MYOCD: variants seen among roughly 807,000 people sequenced by gnomAD.
MYOCD encodes myocardin.
MYOCD carries 32 observed loss-of-function variants against 96.1 expected under a neutral mutation model. The observed-to-expected ratio is 0.33, with a 90% confidence interval of 0.25 to 0.45. MYOCD has a LOEUF of 0.45. Ranked by LOEUF, MYOCD falls within the 20% of genes least tolerant of loss-of-function variation. MYOCD has a pLI of 1.00. For missense variants in MYOCD, 1,133 were observed against 1,200.6 expected, an observed-to-expected ratio of 0.94 and a Z score of 0.83; for synonymous variants, 469 against 469.0, an observed-to-expected ratio of 1.00 and a Z score of 0.00.
At position 12,757,599 on chromosome 17, in the gene MYOCD, C is replaced by T. The variant is rs564698856; in HGVS notation, c.2203-486C>T. Among the ~76,000 whole-genome samples, 14 of 152,260 alleles carry T rather than the reference C, an allele frequency of 9.2e-5. No individual in the cohort carries two copies. The South Asian group carries it at 2.3e-3, about 25-fold the overall frequency. The stretch of plus-strand genomic sequence containing the variant: ...GCAACCTCCACCTCCCAGGTTCAAG[C>T]GATTCTTCCGCCTCAGCCTCCCAAG... On this transcript the variant is annotated intron_variant, in intron 11 of 13. Transcript: ENST00000425538.
intron 9 of MYOCD, among the ~76,000 whole-genome samples, chr17:12,746,727 C>CTTTTTT (rs3050321): frequency 1.7e-5 from 2 of 114,880 alleles, no homozygotes; most frequent in Non-Finnish European, 3.4e-5. Context: ...TGGTGCCTAC[C>CTTTTTT]TTTTTTTTTT....
intron 10 of MYOCD, among the ~76,000 whole-genome samples, chr17:12,753,913 C>T (rs2032934676): frequency 6.6e-6 from 1 of 152,326 alleles, no homozygotes. Flanking sequence ...AGGCCCCGTT[C>T]TCATCTCTGG....
At chr17:12,746,908 TA>T (rs1457229082) in intron 9 of MYOCD, among the ~76,000 whole-genome samples, 1 of 152,006 alleles carries the variant, frequency 6.6e-6, no homozygotes, top group Non-Finnish European at 1.5e-5. Flanking sequence ...TTTGTATTTT[TA>T]GTAGAGACAG....
intron 1 of MYOCD, among the ~76,000 whole-genome samples, chr17:12,675,066 C>T (rs1202074879): frequency 6.6e-6 from 1 of 151,852 alleles, no homozygotes; most frequent in Non-Finnish European, 1.5e-5. Context: ...CTTATATGAA[C>T]AATAAGATTT....
Position 12,766,097 on chromosome 17 carries a change from G to A in MYOCD, c.*2453G>A, listed in dbSNP as rs2033332040. ...TCCTCAGCTGTTGGTGTTTTCTTGGGGTCTTGACAAAGCTTGCTGGTCAGT... is the reference window on the plus strand; with the variant it reads ...TCCTCAGCTGTTGGTGTTTTCTTGGAGTCTTGACAAAGCTTGCTGGTCAGT... On this transcript the variant is annotated 3_prime_UTR_variant, in exon 14 of 14. Coordinates refer to ENST00000425538, the MANE Select transcript of MYOCD (RefSeq NM_001146312.3). 6.6e-6 allele frequency: 1 copy of A among 152,108 alleles called. No homozygotes were observed. Among genetic ancestry groups the A allele is most frequent in the Non-Finnish European group, 1.5e-5 (1 of 68,034 alleles). 9.4% of individuals were successfully genotyped at this position (152,108 alleles called of 1,614,324 possible).
chr17:12,715,057 G>T (rs1050688910), intron 2 of MYOCD, among the ~76,000 whole-genome samples: 1 of 151,960 alleles, frequency 6.6e-6, no homozygotes, highest in Admixed American at 6.6e-5. Context: ...ACTTTATCCA[G>T]AGTACCGTCC....
At chr17:12,675,929 G>A (rs778524755) in intron 1 of MYOCD, among the ~76,000 whole-genome samples, 2 of 152,170 alleles carry the variant, frequency 1.3e-5, no homozygotes, top group Admixed American at 6.5e-5. Flanking sequence ...AAAGATATAA[G>A]TAGAACTGTT....
chr17:12,700,616 A>G (rs182036859), intron 1 of MYOCD, among the ~76,000 whole-genome samples: 32 of 150,804 alleles, frequency 2.1e-4, no homozygotes, highest in Non-Finnish European at 2.7e-4. Flanking sequence ...GGGTTTCACC[A>G]TTTTGGCCAG....
intron 11 of MYOCD, among the ~76,000 whole-genome samples, chr17:12,757,250 G>C (rs2033038828): frequency 6.6e-6 from 1 of 152,168 alleles, no homozygotes; most frequent in East Asian, 1.9e-4. Context: ...AAGGGGCAAA[G>C]AAGAGGTGGC....
chr17:12,732,826 A>G (rs2032217694), intron 5 of MYOCD, among the ~76,000 whole-genome samples: 1 of 152,186 alleles, frequency 6.6e-6, no homozygotes, highest in Non-Finnish European at 1.5e-5. Flanking sequence ...ACTGGTAGTA[A>G]CTTCAGGGCT....
chr17:12,747,540 A>G (rs899043845), intron 9 of MYOCD, among the ~76,000 whole-genome samples: 28 of 152,136 alleles, frequency 1.8e-4, no homozygotes, highest in Admixed American at 5.2e-4. Context: ...TTTCAGACTC[A>G]TGTGCGACGT....
chr17:12,749,905 A>T lies in MYOCD; in HGVS notation c.1126-2509A>T, dbSNP rs939946685. 3.3e-5 allele frequency among the ~76,000 whole-genome samples: 5 copies of T among 152,058 alleles called. No homozygotes were observed. The East Asian group carries it at 9.7e-4, about 30-fold the overall frequency. On this transcript the variant is annotated intron_variant, in intron 9 of 13. Transcript: ENST00000425538. ...CGCTCTGTCGCCCAGGCTGGAGTGC[A>T]GTGGCCGGATCTCGGCTCACTGCAA...
At chr17:12,686,448 G>A (rs769109135) in intron 1 of MYOCD, among the ~76,000 whole-genome samples, 7 of 152,198 alleles carry the variant, frequency 4.6e-5, no homozygotes, top group Non-Finnish European at 1.0e-4. Flanking sequence ...ACACTTGTAG[G>A]CATTTCACCT....
In MYOCD at chr17:12,736,257, A is replaced by T; in HGVS notation, c.512A>T (p.Asp171Val). The T allele has an allele frequency of 6.2e-7, 1 of 1,614,042 alleles. No homozygotes were observed. Among genetic ancestry groups the T allele is most frequent in the Non-Finnish European group, 8.5e-7 (1 of 1,180,008 alleles). Residue 171 changes from aspartate (D) to valine (V), a missense_variant, in exon 6 of 14, where the codon GAC becomes GTC. Transcript: ENST00000425538. ...GLSPDQTRSE[D>V]PQNSAGSPPD... ...TCTCCGGATCAGACTCGAAGTGAAG[A>T]CCCCCAAAACTCAGCGGGATCCCCG...
chr17:12,745,590 T>C (rs1205224916), intron 8 of MYOCD, among the ~76,000 whole-genome samples: 1 of 152,196 alleles, frequency 6.6e-6, no homozygotes, highest in Non-Finnish European at 1.5e-5. Flanking sequence ...GACTATATAC[T>C]AGCAATTATG....
intron 1 of MYOCD, among the ~76,000 whole-genome samples, chr17:12,689,286 G>A (rs2030320691): frequency 1.3e-5 from 2 of 152,042 alleles, no homozygotes; most frequent in African/African-American, 4.8e-5. Context: ...ATAATTTTTG[G>A]TCTCTTGAAA....
At chr17:12,698,766 A>G (rs1462194354) in intron 1 of MYOCD, among the ~76,000 whole-genome samples, 6 of 103,896 alleles carry the variant, frequency 5.8e-5, no homozygotes, top group South Asian at 3.5e-4. Flanking sequence ...TTTGTGAGAC[A>G]GAGTCTGGCT....
At chr17:12,731,506 C>CA (rs1232623760) in intron 5 of MYOCD, among the ~76,000 whole-genome samples, 2 of 152,076 alleles carry the variant, frequency 1.3e-5, no homozygotes, top group East Asian at 3.9e-4. Flanking sequence ...ATGCTCCTAC[C>CA]AAAAACAATA....
chr17:12,719,164 G>A (rs2031739782), intron 4 of MYOCD, among the ~76,000 whole-genome samples: 2 of 74,248 alleles, frequency 2.7e-5, no homozygotes, highest in Middle Eastern at 0.014. Flanking sequence ...CACAGAGGGA[G>A]ACTCTGTCTC....
Sources: allele counts gnomAD v4.1 joint callset (sites outside exome capture counted in the v4.1 genomes callset), GRCh38; gene constraint gnomAD v4.1.1; transcripts MANE v1.5; gene names NCBI Gene and HGNC (gene_info 2026-07-23, HGNC 2026-07-21).